Variants in FOXP4 observed in about 807,000 individuals in gnomAD.
FOXP4 encodes forkhead box P4.
A neutral mutation model predicts 82.6 loss-of-function variants in FOXP4; 25 were observed. That is an observed-to-expected ratio of 0.30 (90% CI 0.22 to 0.42). The LOEUF is 0.42. Ranked by LOEUF, FOXP4 falls within the 10% of genes least tolerant of loss-of-function variation. The pLI is 1.00. For missense variants in FOXP4, 785 were observed against 900.9 expected, an observed-to-expected ratio of 0.87 and a Z score of 1.65; for synonymous variants, 415 against 388.2, an observed-to-expected ratio of 1.07 and a Z score of -0.81.
At chr6:41,587,244 G>C (rs2127392165) in intron 6 of FOXP4, 55 bp from the exon 7 acceptor site, 4 of 1,608,688 alleles carry the variant, frequency 2.5e-6, no homozygotes, top group Non-Finnish European at 8.5e-7. Context: ...CTTGGGGCCA[G>C]GTAGAAAGCC....
intron 4 of FOXP4, 152 bp from the exon 5 acceptor site, chr6:41,585,279 C>T (rs746756173): frequency 1.9e-5 from 14 of 752,300 alleles, no homozygotes; most frequent in Middle Eastern, 7.7e-4. Flanking sequence ...GCACCCAGAC[C>T]CTGCTCAGGG....
intron 2 of FOXP4, among the ~76,000 whole-genome samples, chr6:41,568,711 C>T (rs1028423620): frequency 6.6e-6 from 1 of 152,208 alleles, no homozygotes; most frequent in African/African-American, 2.4e-5. Context: ...CTCCAAGCTC[C>T]TCTGCCTTTG....
intron 1 of FOXP4, among the ~76,000 whole-genome samples, chr6:41,556,660 T>C (rs1487783247): frequency 6.6e-6 from 1 of 152,106 alleles, no homozygotes; most frequent in Non-Finnish European, 1.5e-5. Context: ...TATTCACAAA[T>C]TGTGTGCCGA....
rs1364865619 is a variant in FOXP4, at chr6:41,602,259, G to A, written c.*3323G>A. 2.0e-5 allele frequency: 3 copies of A among 152,186 alleles called. No homozygotes were observed. The highest frequency in any genetic ancestry group is 4.4e-5 in the Non-Finnish European group (3 of 68,026). The allele number at this position is 152,186 out of a possible 1,614,324, so 9.4% of individuals were successfully genotyped here. A position where few individuals can be genotyped will look rare whatever the true frequency, so the allele number is the denominator to read the frequency against. Reference sequence around the variant, plus strand: ...TACTGTTTAAAAAAGTAGCACTGATGTGTTTTGTAATCTGCCCCTCCCAGC... The same window carrying A: ...TACTGTTTAAAAAAGTAGCACTGATATGTTTTGTAATCTGCCCCTCCCAGC... On this transcript the variant is annotated 3_prime_UTR_variant, in exon 17 of 17. Transcript: ENST00000307972.
chr6:41,551,089 G>A (rs544598837), intron 1 of FOXP4, among the ~76,000 whole-genome samples: 4 of 152,264 alleles, frequency 2.6e-5, no homozygotes, highest in South Asian at 2.1e-4. Flanking sequence ...CCACCAAGCC[G>A]GGATCACAGC....
intron 2 of FOXP4, among the ~76,000 whole-genome samples, chr6:41,568,689 C>T (rs1983891): frequency 0.35 from 53,164 of 152,036 alleles, 9,900 homozygotes; most frequent in African/African-American, 0.48. Context: ...TCTCCTCGTA[C>T]TCTCTGTGGC....
chr6:41,565,183 T>C (rs1764802693), intron 1 of FOXP4, among the ~76,000 whole-genome samples: 1 of 151,984 alleles, frequency 6.6e-6, no homozygotes, highest in Non-Finnish European at 1.5e-5. Flanking sequence ...TGAAACCCCT[T>C]CTCTACTAAA....
At chr6:41,585,624 A>G (rs1241355493) in intron 5 of FOXP4, 107 bp downstream of exon 5, 2 of 1,054,926 alleles carry the variant, frequency 1.9e-6, no homozygotes, top group East Asian at 2.6e-5. Flanking sequence ...AGAAAAATCT[A>G]GAAAAGGCTG....
At position 41,596,145 on chromosome 6, in the gene FOXP4, G is replaced by A. The variant is rs368549391; in HGVS notation, c.1659-1031G>A. ...ACTCCTGACCTCAGGTGATCTGCCC[G>A]CATCGGCCTCCCAAAATGCTGGGAT... On this transcript the variant is annotated intron_variant, in intron 14 of 16. Coordinates refer to ENST00000307972, the MANE Select transcript of FOXP4 (RefSeq NM_001012426.2). Among the ~76,000 whole-genome samples, 9 of 152,280 alleles carry A rather than the reference G, an allele frequency of 5.9e-5. No homozygotes were observed. In the East Asian group the frequency reaches 1.5e-3, roughly 26 times the overall value.
At chr6:41,595,060 T>C in intron 14 of FOXP4, 69 bp downstream of exon 14, 1 of 1,601,734 alleles carries the variant, frequency 6.2e-7, no homozygotes, top group Non-Finnish European at 8.5e-7. Context: ...CCCCACCCCC[T>C]ACCTCTCCAG....
chr6:41,554,007 GGTT>G (rs1050068062), intron 1 of FOXP4, among the ~76,000 whole-genome samples: 2 of 152,206 alleles, frequency 1.3e-5, no homozygotes, highest in African/African-American at 4.8e-5. Flanking sequence ...AAACCTGGGA[GGTT>G]GTTGTGGCAG....
chr6:41,565,096 T>C (rs1283537355), intron 1 of FOXP4, among the ~76,000 whole-genome samples: 1 of 152,178 alleles, frequency 6.6e-6, no homozygotes, highest in Non-Finnish European at 1.5e-5. Context: ...CTCATGCCTA[T>C]AATCGCAGCA....
intron 2 of FOXP4, among the ~76,000 whole-genome samples, chr6:41,575,395 A>G (rs1319803450): frequency 2.0e-5 from 3 of 152,134 alleles, no homozygotes; most frequent in Non-Finnish European, 4.4e-5. Flanking sequence ...CAGGTACTTC[A>G]TAGATGTGAG....
chr6:41,569,085 A>G (rs115355459), intron 2 of FOXP4, among the ~76,000 whole-genome samples: 1,541 of 152,246 alleles, frequency 0.01, 11 homozygotes, highest in Non-Finnish European at 0.016. Flanking sequence ...CAGCCTGGTC[A>G]TTGGTGAGTG....
chr6:41,588,089 T>G (rs150117006), intron 8 of FOXP4, among the ~76,000 whole-genome samples, 192 bp downstream of exon 8: 327 of 152,242 alleles, frequency 2.1e-3, no homozygotes, highest in Middle Eastern at 6.8e-3. Flanking sequence ...CTGTCTATAT[T>G]TCTGGGCCTG....
intron 2 of FOXP4, among the ~76,000 whole-genome samples, chr6:41,572,338 T>G (rs1765247427): frequency 6.6e-6 from 1 of 152,154 alleles, no homozygotes; most frequent in Non-Finnish European, 1.5e-5. Context: ...CATGGGACAC[T>G]CGCCACCAGC....
chr6:41,562,246 A>G (rs1211502051), intron 1 of FOXP4, among the ~76,000 whole-genome samples: 1 of 152,128 alleles, frequency 6.6e-6, no homozygotes, highest in African/African-American at 2.4e-5. Flanking sequence ...GGGCGGGAGC[A>G]TGGAAGGAGG....
chr6:41,549,429 C>A (rs1020321913), intron 1 of FOXP4, among the ~76,000 whole-genome samples: 3 of 152,168 alleles, frequency 2.0e-5, no homozygotes, highest in African/African-American at 7.2e-5. Context: ...CAGCCCCCTT[C>A]CTCTGCCTTT....
At position 41,587,854 on chromosome 6, in the gene FOXP4, C is replaced by T; in HGVS notation, c.934C>T (p.Pro312Ser). ...GTACGGACACGGAGAGTGCAAGTGG[C>T]CAGGCTGTGAGACCCTGTGTGAAGA... ...PLYGHGECKW[P>S]GCETLCEDLG... Residue 312 changes from proline to serine, a missense_variant, in exon 8 of 17, where the codon CCA becomes TCA. Physicochemically the swap from Pro to Ser is moderately conservative, Grantham distance 74. Coordinates refer to ENST00000307972, the MANE Select transcript of FOXP4 (RefSeq NM_001012426.2). 1 of 1,570,678 alleles carries T rather than the reference C, an allele frequency of 6.4e-7. No homozygotes were observed. Among genetic ancestry groups the T allele is most frequent in the Non-Finnish European group, 8.6e-7 (1 of 1,156,364 alleles).
Sources: gnomAD v4.1 joint callset for allele counts (sites outside exome capture counted in the v4.1 genomes callset) on GRCh38, gnomAD v4.1.1 for gene constraint, MANE v1.5 for transcripts, NCBI Gene and HGNC (gene_info 2026-07-23, HGNC 2026-07-21) for gene names.